CSMD1: variants seen among roughly 807,000 people sequenced by gnomAD.
CSMD1 encodes CUB and Sushi multiple domains 1, also known as CUB and sushi domain-containing protein 1.
In CSMD1, 213 loss-of-function variants were observed where a neutral mutation model predicts 417.5. The observed-to-expected ratio is 0.51, with a 90% confidence interval of 0.46 to 0.57. CSMD1 has a LOEUF of 0.57. Ranked by LOEUF, CSMD1 falls within the 20% of genes least tolerant of loss-of-function variation. CSMD1 has a pLI of 0.00. For synonymous variants in CSMD1, 2,862 were observed against 1,736.8 expected, an observed-to-expected ratio of 1.65 and a Z score of -16.11; for missense variants, 6,923 against 4,529.7, an observed-to-expected ratio of 1.53 and a Z score of -15.17.
intron 1 of CSMD1, among the ~76,000 whole-genome samples, chr8:4,888,821 G>C (rs756267094): frequency 5.9e-5 from 9 of 152,038 alleles, no homozygotes; most frequent in Non-Finnish European, 1.2e-4. Flanking sequence ...AACTTGAAGA[G>C]ACTTCCAATA....
At chr8:4,764,608 G>T (rs572817878) in intron 1 of CSMD1, among the ~76,000 whole-genome samples, 82 of 151,688 alleles carry the variant, frequency 5.4e-4, no homozygotes, top group Non-Finnish European at 8.2e-4. Context: ...AAAAAGAGTG[G>T]AAAGATTTTT....
chr8:3,352,413 G>C (rs748245693), intron 21 of CSMD1, among the ~76,000 whole-genome samples: 1 of 152,132 alleles, frequency 6.6e-6, no homozygotes, highest in Non-Finnish European at 1.5e-5. Context: ...TAGAAGAGAA[G>C]TATCTTTGAA....
intron 5 of CSMD1, among the ~76,000 whole-genome samples, chr8:3,873,998 CTG>C (rs1272798455): frequency 6.6e-6 from 1 of 152,210 alleles, no homozygotes; most frequent in East Asian, 1.9e-4. Flanking sequence ...TTTATACACA[CTG>C]TGCGGCTGTA....
intron 2 of CSMD1, among the ~76,000 whole-genome samples, chr8:4,519,553 A>G (rs1269344474): frequency 6.6e-6 from 1 of 151,562 alleles, no homozygotes; most frequent in East Asian, 1.9e-4. Flanking sequence ...TAGCCTGGAC[A>G]ACATGGTGAA....
At position 3,815,324 on chromosome 8, in the gene CSMD1, A is replaced by G. The variant is rs565941496; in HGVS notation, c.819-61282T>C. On this transcript the variant is annotated intron_variant, in intron 5 of 69. Transcript: ENST00000635120. ...GTGTTGAGTATTAGTTCACTTCTGA[A>G]CAAATCATGCATTTTCGGAACACAT... 1.2e-4 allele frequency among the ~76,000 whole-genome samples: 18 copies of G among 152,310 alleles called. No homozygotes were observed. In the South Asian group the frequency reaches 3.3e-3, roughly 28 times the overall value.
intron 8 of CSMD1, among the ~76,000 whole-genome samples, chr8:3,610,279 T>C (rs1294973729): frequency 1.5e-4 from 23 of 152,166 alleles, no homozygotes; most frequent in Non-Finnish European, 2.9e-5. Flanking sequence ...GTATCAGTAA[T>C]TCCAGCAATT....
At chr8:3,653,011 T>C (rs1160453359) in intron 7 of CSMD1, among the ~76,000 whole-genome samples, 1 of 152,138 alleles carries the variant, frequency 6.6e-6, no homozygotes, top group Non-Finnish European at 1.5e-5. Flanking sequence ...GCCACTCAAA[T>C]TATACTAGAA....
chr8:3,339,104 C>T (rs7002790), intron 23 of CSMD1, among the ~76,000 whole-genome samples: 2 of 150,638 alleles, frequency 1.3e-5, no homozygotes, highest in East Asian at 2.0e-4. Flanking sequence ...TTTGTTCTTG[C>T]GATAGTTTAC....
chr8:2,973,360 T>C, intron 56 of CSMD1, 61 bp from the exon 57 acceptor site: 2 of 1,507,592 alleles, frequency 1.3e-6, no homozygotes, highest in Non-Finnish European at 9.1e-7. Flanking sequence ...TAAGCAGAGT[T>C]GTCACACTTA....
chr8:4,411,241 TG>T (rs1796636292), intron 3 of CSMD1, among the ~76,000 whole-genome samples: 2 of 152,208 alleles, frequency 1.3e-5, no homozygotes, highest in African/African-American at 2.4e-5. Context: ...ATACATATTT[TG>T]TTACTGAAAA....
intron 3 of CSMD1, among the ~76,000 whole-genome samples, chr8:4,390,838 G>A (rs1402587197): frequency 6.6e-6 from 1 of 152,064 alleles, no homozygotes; most frequent in Non-Finnish European, 1.5e-5. Flanking sequence ...ACCATGCCCG[G>A]CCAAAAGTAT....
chr8:3,743,089 C>G (rs892254035), intron 6 of CSMD1, among the ~76,000 whole-genome samples: 1 of 152,178 alleles, frequency 6.6e-6, no homozygotes, highest in African/African-American at 2.4e-5. Context: ...CATCTCACTG[C>G]TGGATAAACA....
chr8:4,305,893 C>T (rs11136721), intron 3 of CSMD1, among the ~76,000 whole-genome samples: 114,929 of 152,026 alleles, frequency 0.76, 43,549 homozygotes, highest in East Asian at 0.85. Flanking sequence ...TGCAATTGTT[C>T]TCAAGCATCA....
chr8:3,805,167 G>A (rs73172233), intron 5 of CSMD1, among the ~76,000 whole-genome samples: 1,683 of 152,250 alleles, frequency 0.011, 12 homozygotes, highest in Non-Finnish European at 0.018. Flanking sequence ...CATTCAAAGA[G>A]ACCACAATAT....
At chr8:4,128,170 C>A (rs150773317) in intron 3 of CSMD1, among the ~76,000 whole-genome samples, 1 of 152,122 alleles carries the variant, frequency 6.6e-6, no homozygotes, top group Non-Finnish European at 1.5e-5. Flanking sequence ...CACTCTTGGT[C>A]GGGGACCCCT....
At position 3,042,385 on chromosome 8, in the gene CSMD1, T is replaced by C. The variant is rs117953071; in HGVS notation, c.7660+10077A>G. Reference sequence around the variant, plus strand: ...GAGAGAGGTGGATATGTACCTCCTATCTAGCACAGAGACATTTCCTTTTAT... The same window carrying C: ...GAGAGAGGTGGATATGTACCTCCTACCTAGCACAGAGACATTTCCTTTTAT... On this transcript the variant is annotated intron_variant, in intron 50 of 69. Transcript: ENST00000635120. Among the ~76,000 whole-genome samples, 143 of 152,276 alleles carry C rather than the reference T, an allele frequency of 9.4e-4. 1 individual carries two copies. The highest frequency in any genetic ancestry group is 1.9e-3 in the Non-Finnish European group (130 of 68,006).
At chr8:4,499,308 G>A (rs1019962428) in intron 2 of CSMD1, among the ~76,000 whole-genome samples, 2 of 152,174 alleles carry the variant, frequency 1.3e-5, no homozygotes, top group Admixed American at 6.5e-5. Flanking sequence ...AAAACGCTTG[G>A]GATTAAGAAC....
intron 1 of CSMD1, among the ~76,000 whole-genome samples, chr8:4,773,518 C>G (rs1796699602): frequency 6.6e-6 from 1 of 152,148 alleles, no homozygotes; most frequent in Non-Finnish European, 1.5e-5. Flanking sequence ...GCTTCCTCAA[C>G]CAGTTTTTAT....
At chr8:4,223,506 C>A (rs559968655) in intron 3 of CSMD1, among the ~76,000 whole-genome samples, 2 of 152,320 alleles carry the variant, frequency 1.3e-5, no homozygotes, top group East Asian at 3.9e-4. Flanking sequence ...TTGCACAGGG[C>A]GTAATCTACC....
Sources: allele counts gnomAD v4.1 joint callset (sites outside exome capture counted in the v4.1 genomes callset), GRCh38; gene constraint gnomAD v4.1.1; transcripts MANE v1.5; gene names NCBI Gene and HGNC (gene_info 2026-07-23, HGNC 2026-07-21).